DLGAP1: variants seen among roughly 807,000 people sequenced by gnomAD.
The protein encoded by DLGAP1 is disks large-associated protein 1.
DLGAP1 carries 11 observed loss-of-function variants against 90.8 expected under a neutral mutation model. The observed-to-expected ratio is 0.12, with a 90% confidence interval of 0.08 to 0.20. The LOEUF (loss-of-function observed/expected upper bound fraction) is 0.20, where lower values mean the gene tolerates loss of function less well. Ranked by LOEUF, DLGAP1 falls within the 10% of genes least tolerant of loss-of-function variation. DLGAP1 has a pLI of 1.00. For missense variants in DLGAP1, 1,050 were observed against 1,333.8 expected (o/e 0.79, Z 3.31); for synonymous variants, 558 against 540.7 (o/e 1.03, Z -0.44).
At chr18:3,590,641 G>A (rs1232461641) in intron 7 of DLGAP1, among the ~76,000 whole-genome samples, 1 of 152,042 alleles carries the variant, frequency 6.6e-6, no homozygotes, top group Non-Finnish European at 1.5e-5. Context: ...GATCACCTGG[G>A]GTCAGGAGTT....
In DLGAP1 at chr18:3,874,282, GCT is replaced by G. The variant is rs968978936; in HGVS notation, c.957+4828_957+4829del. On this transcript the variant is annotated intron_variant, in intron 4 of 12. Coordinates refer to ENST00000315677, the MANE Select transcript of DLGAP1 (RefSeq NM_004746.4). ...AGTGCTTTCCTTCTCGGTCTGTCTT[GCT>G]CTCTCTCTCGCTCCCTCTGTCTCTC... 2.1e-5 allele frequency: 33 copies of G among 1,548,332 alleles called. No homozygotes were observed. The Admixed American group carries it at 3.3e-4, about 16-fold the overall frequency.
intron 8 of DLGAP1, among the ~76,000 whole-genome samples, chr18:3,569,425 C>T (rs755230188): frequency 1.3e-5 from 2 of 151,890 alleles, no homozygotes; most frequent in African/African-American, 2.4e-5. Context: ...ATTTTATGAA[C>T]CTAAACTCTT....
intron 2 of DLGAP1, among the ~76,000 whole-genome samples, chr18:4,029,676 C>T (rs941716003): frequency 1.3e-5 from 2 of 152,178 alleles, no homozygotes; most frequent in African/African-American, 4.8e-5. Flanking sequence ...TTTCCTAATT[C>T]CTAATTTCAG....
At chr18:4,158,649 C>T (rs1207218951) in intron 1 of DLGAP1, among the ~76,000 whole-genome samples, 1 of 152,334 alleles carries the variant, frequency 6.6e-6, no homozygotes, top group South Asian at 2.1e-4. Flanking sequence ...TTCTTGGACA[C>T]TTGACCAAAG....
In DLGAP1 at chr18:3,879,492, C is replaced by A. The variant is rs770093056; in HGVS notation, c.577G>T (p.Ala193Ser). The A allele has an allele frequency of 1.2e-6, 2 of 1,604,188 alleles. No homozygotes were observed. Among genetic ancestry groups the A allele is most frequent in the Admixed American group, 1.7e-5 (1 of 59,980 alleles). Reference protein sequence around the residue: ...KSKERRAEPKARPSTSPGWWS... With the variant: ...KSKERRAEPKSRPSTSPGWWS... ...CAGCCCGGGGAGGTGCTGGGCCGGG[C>A]CTTGGGCTCCGCGCGCCGCTCCTTG... Residue 193 changes from alanine to serine, a missense_variant, in exon 4 of 13, where the codon GCC becomes TCC. Physicochemically the swap from Ala to Ser is moderately conservative, Grantham distance 99 (BLOSUM62 1). Around this residue, in one of 2 missense-constraint regions of DLGAP1, gnomAD observed 485 missense variants for 454.1 expected, o/e 1.07. Coordinates refer to ENST00000315677, the MANE Select transcript of DLGAP1 (RefSeq NM_004746.4). The surrounding 1 kb of genome is among the most constrained non-coding windows in gnomAD (Gnocchi z 6.6).
At position 3,925,286 on chromosome 18, in the gene DLGAP1, T is replaced by A. The variant is rs78665083; in HGVS notation, c.-72-45146A>T. Among the ~76,000 whole-genome samples, 4 of 27,462 alleles carry A rather than the reference T, an allele frequency of 1.5e-4. No homozygotes were observed. The South Asian group carries it at 4.9e-3, about 34-fold the overall frequency. 18.0% of individuals were successfully genotyped at this position (27,462 alleles called of 152,430 possible). A position where few individuals can be genotyped will look rare whatever the true frequency, so the allele number is the denominator to read the frequency against. ...TTTATCTAATAACAGATTTGTGGGA[T>A]TTTTTTTTTTTTTTAATTTCAAGAT... is the stretch of plus-strand genomic sequence containing the variant. On this transcript the variant is annotated intron_variant, in intron 3 of 12. Coordinates refer to ENST00000315677, the MANE Select transcript of DLGAP1 (RefSeq NM_004746.4).
intron 2 of DLGAP1, among the ~76,000 whole-genome samples, chr18:4,147,692 A>C (rs1428709118): frequency 1.3e-5 from 2 of 152,178 alleles, no homozygotes; most frequent in Non-Finnish European, 2.9e-5. Context: ...AGGATATAAA[A>C]ATGCATCAAA....
chr18:3,742,594 T>G, intron 5 of DLGAP1, 82 bp from the exon 6 acceptor site: 1 of 1,490,448 alleles, frequency 6.7e-7, no homozygotes, highest in Non-Finnish European at 9.2e-7. Flanking sequence ...TTGTCATTTA[T>G]GTAGCACCCT....
chr18:3,797,338 A>G (rs1213510370), intron 5 of DLGAP1, among the ~76,000 whole-genome samples: 3 of 151,846 alleles, frequency 2.0e-5, no homozygotes, highest in African/African-American at 7.3e-5. Context: ...AAAAAAAAAA[A>G]AAGAAGAAGA....
chr18:3,940,157 G>A (rs1024256663), intron 3 of DLGAP1, among the ~76,000 whole-genome samples: 1 of 152,212 alleles, frequency 6.6e-6, no homozygotes, highest in Non-Finnish European at 1.5e-5. Context: ...GCTCTGTAAA[G>A]ACGTCTACAT....
intron 3 of DLGAP1, among the ~76,000 whole-genome samples, chr18:3,904,190 T>C (rs2071846115): frequency 6.6e-6 from 1 of 152,230 alleles, no homozygotes; most frequent in African/African-American, 2.4e-5. Context: ...TGATAGCATG[T>C]TAGACTGATC....
chr18:3,550,802 C>T (rs1245529655), intron 9 of DLGAP1, among the ~76,000 whole-genome samples: 1 of 130,062 alleles, frequency 7.7e-6, no homozygotes, highest in Non-Finnish European at 1.5e-5. Context: ...AGTGCAGTGG[C>T]TCAATCTCAG....
rs763466156 is a variant in DLGAP1 at position 4,045,432 on chromosome 18, C to CAAAAA, written c.-158-40236_-158-40232dup. 7.9e-3 allele frequency among the ~76,000 whole-genome samples: 231 copies of CAAAAA among 29,202 alleles called. 13 individuals carry two copies. Among genetic ancestry groups the CAAAAA allele is most frequent in the East Asian group, 0.019 (10 of 522 alleles). 19.2% of individuals were successfully genotyped at this position (29,202 alleles called of 152,430 possible). A position where few individuals can be genotyped will look rare whatever the true frequency, so the allele number is the denominator to read the frequency against. On this transcript the variant is annotated intron_variant, in intron 2 of 12. Coordinates refer to ENST00000315677, the MANE Select transcript of DLGAP1 (RefSeq NM_004746.4). The stretch of plus-strand genomic sequence containing the variant: ...GTAACATAGAAAGACCCCATCTCTA[C>CAAAAA]AAAAAAAAAAAAAAAAAAAAAAAAA...
intron 2 of DLGAP1, among the ~76,000 whole-genome samples, chr18:4,096,747 G>C (rs1398171224): frequency 6.6e-6 from 1 of 152,214 alleles, no homozygotes; most frequent in Non-Finnish European, 1.5e-5. Context: ...ATCTGTGTCT[G>C]CTGGACTGAA....
intron 3 of DLGAP1, among the ~76,000 whole-genome samples, chr18:3,963,983 T>C (rs1319760647): frequency 6.6e-6 from 1 of 152,234 alleles, no homozygotes; most frequent in East Asian, 1.9e-4. Context: ...TTTCTTTCTT[T>C]TTATTTCTAT....
intron 7 of DLGAP1, among the ~76,000 whole-genome samples, chr18:3,624,545 T>C (rs2058221255): frequency 6.6e-6 from 1 of 152,206 alleles, no homozygotes; most frequent in South Asian, 2.1e-4. Context: ...CGTCATTTTC[T>C]CTGAACTGTA....
At chr18:4,309,094 T>C (rs560011369) in intron 1 of DLGAP1, among the ~76,000 whole-genome samples, 1 of 152,300 alleles carries the variant, frequency 6.6e-6, no homozygotes, top group South Asian at 2.1e-4. Flanking sequence ...GGGTAAGATG[T>C]AGGTAGGTAG....
At chr18:4,059,548 C>T (rs1027354194) in intron 2 of DLGAP1, among the ~76,000 whole-genome samples, 2 of 152,082 alleles carry the variant, frequency 1.3e-5, no homozygotes, top group Admixed American at 6.6e-5. Context: ...CCTGTCTCTA[C>T]TAAAAATACA....
chr18:3,844,186 T>A (rs2068875487), intron 4 of DLGAP1, among the ~76,000 whole-genome samples: 1 of 152,246 alleles, frequency 6.6e-6, no homozygotes, highest in Non-Finnish European at 1.5e-5. Flanking sequence ...ATTTCCCACA[T>A]GCTTTGGCTG....
Sources: gnomAD v4.1 joint callset for allele counts (sites outside exome capture counted in the v4.1 genomes callset) on GRCh38, gnomAD v4.1.1 for gene constraint, gnomAD v4.1.1 regional missense constraint, Gnocchi (gnomAD v3.1) non-coding constraint, MANE v1.5 for transcripts, NCBI Gene and HGNC (gene_info 2026-07-23, HGNC 2026-07-21) for gene names.